The following SLC24A2 variants were observed in gnomAD, a reference collection of about 807,000 sequenced individuals.
SLC24A2 encodes the protein sodium/potassium/calcium exchanger 2.
SLC24A2 carries 36 observed loss-of-function variants against 62.0 expected under a neutral mutation model. The ratio of observed to expected loss-of-function variants is 0.58; its 90% confidence interval spans 0.44 to 0.77. SLC24A2 has a LOEUF of 0.77. Ranked by LOEUF, SLC24A2 falls within the 30% of genes least tolerant of loss-of-function variation. SLC24A2 has a pLI of 0.00. For synonymous variants in SLC24A2, 358 were observed against 294.0 expected (o/e 1.22, Z -2.23); for missense variants, 846 against 817.9 (o/e 1.03, Z -0.42).
At chr9:19,954,860 C>G in the SLC24A2 span, among the ~76,000 whole-genome samples, 2 of 152,058 alleles carry the variant, frequency 1.3e-5, no homozygotes, top group Non-Finnish European at 2.9e-5. Flanking sequence ...CAGTAACAAC[C>G]AACAATCCTG....
chr9:19,823,296 ATT>A, the SLC24A2 span, among the ~76,000 whole-genome samples: 1 of 68,306 alleles, frequency 1.5e-5, no homozygotes, highest in Non-Finnish European at 3.6e-5. Context: ...CTGTATTAAC[ATT>A]GTGTGTGTGT....
chr9:20,195,551 G>C, the SLC24A2 span, among the ~76,000 whole-genome samples: 1 of 151,962 alleles, frequency 6.6e-6, no homozygotes, highest in Non-Finnish European at 1.5e-5. Flanking sequence ...CTCTCAATTT[G>C]TAAGTTATTC....
chr9:20,173,641 G>A, the SLC24A2 span, among the ~76,000 whole-genome samples: 68 of 151,916 alleles, frequency 4.5e-4, no homozygotes, highest in East Asian at 1.4e-3. Flanking sequence ...ATACCTAACC[G>A]TGGAGGTAAA....
the SLC24A2 span, among the ~76,000 whole-genome samples, chr9:19,980,229 C>T: frequency 6.6e-6 from 1 of 152,178 alleles, no homozygotes; most frequent in Admixed American, 6.5e-5. Flanking sequence ...CAGATTCTGA[C>T]TCAGCACCTG....
the SLC24A2 span, among the ~76,000 whole-genome samples, chr9:20,235,650 A>C: frequency 6.6e-6 from 1 of 152,168 alleles, no homozygotes; most frequent in African/African-American, 2.4e-5. Flanking sequence ...TTTACTAGGA[A>C]AGGGAATTCC....
the SLC24A2 span, among the ~76,000 whole-genome samples, chr9:20,293,494 G>A: frequency 6.6e-6 from 1 of 152,106 alleles, no homozygotes; most frequent in East Asian, 1.9e-4. Context: ...GGCTGGCTGT[G>A]GCCAAAAAAG....
At chr9:20,038,952 T>A in the SLC24A2 span, among the ~76,000 whole-genome samples, 7 of 152,218 alleles carry the variant, frequency 4.6e-5, no homozygotes, top group Non-Finnish European at 8.8e-5. Flanking sequence ...TAAAATGTGT[T>A]TTTTAAGTAA....
rs10964195 is a variant in SLC24A2, at chr9:19,539,221, T to C, written c.1479+10916A>G. 2.0e-4 allele frequency among the ~76,000 whole-genome samples: 10 copies of C among 49,878 alleles called. 1 individual carries two copies. Among genetic ancestry groups the C allele is most frequent in the East Asian group, 7.4e-4 (1 of 1,350 alleles). 32.7% of individuals were successfully genotyped at this position (49,878 alleles called of 152,430 possible). Reference sequence around the variant, plus strand: ...CTATTTCCTTCAGTTCTGCTCTGATTTTAGTTATTTCTTGCCTTCTGCTAG... The same window carrying C: ...CTATTTCCTTCAGTTCTGCTCTGATCTTAGTTATTTCTTGCCTTCTGCTAG... On this transcript the variant is annotated intron_variant, in intron 8 of 10. Coordinates refer to ENST00000341998, the MANE Select transcript of SLC24A2 (RefSeq NM_020344.4).
chr9:19,962,992 G>C, the SLC24A2 span, among the ~76,000 whole-genome samples: 1 of 151,998 alleles, frequency 6.6e-6, no homozygotes, highest in Non-Finnish European at 1.5e-5. Context: ...ATTGGCTGTG[G>C]GTTTTTCATA....
chr9:19,550,237 C>G lies in SLC24A2; in HGVS notation c.1379G>C (p.Ser460Thr). The change falls in exon 8 of 11, where the codon AGC (serine) becomes ACC (threonine). Residue 460 changes from serine (S) to threonine (T), a missense_variant. Physicochemically the swap from Ser to Thr is moderately conservative, Grantham distance 58. Transcript: ENST00000341998. ...TADEEEDQPL[S>T]LAWPSETRKQ... Reference sequence around the variant, plus strand: ...GCGGGTTTCAGAAGGCCAGGCAAGGCTGAGAGGCTGGTCCTCCTCCTCATC... The same window carrying G: ...GCGGGTTTCAGAAGGCCAGGCAAGGGTGAGAGGCTGGTCCTCCTCCTCATC... 1 of 1,614,096 alleles carries G rather than the reference C, an allele frequency of 6.2e-7. No homozygotes were observed. Among genetic ancestry groups the G allele is most frequent in the Non-Finnish European group, 8.5e-7 (1 of 1,179,992 alleles).
intron 2 of SLC24A2, among the ~76,000 whole-genome samples, chr9:19,669,613 T>C (rs1434322288): frequency 1.3e-5 from 2 of 152,206 alleles, no homozygotes; most frequent in Non-Finnish European, 2.9e-5. Context: ...AAAATCCATT[T>C]CCTTGCCTTT....
intron 3 of SLC24A2, 43 bp downstream of exon 3, chr9:19,622,218 C>T (rs776410101): frequency 1.3e-6 from 2 of 1,586,844 alleles, no homozygotes; most frequent in Non-Finnish European, 1.7e-6. Context: ...CCACGCTCTC[C>T]ACAGGCACAC....
At chr9:19,872,275 C>G in the SLC24A2 span, among the ~76,000 whole-genome samples, 2 of 152,172 alleles carry the variant, frequency 1.3e-5, no homozygotes, top group Non-Finnish European at 2.9e-5. Flanking sequence ...GACTGCTATC[C>G]AGGGAGGGGA....
chr9:20,060,009 G>A, the SLC24A2 span, among the ~76,000 whole-genome samples: 6 of 152,062 alleles, frequency 3.9e-5, no homozygotes, highest in East Asian at 7.7e-4. Flanking sequence ...AGGACTATAA[G>A]AGAACACTAT....
chr9:19,607,127 C>T (rs1186987432), intron 4 of SLC24A2, among the ~76,000 whole-genome samples: 3 of 152,214 alleles, frequency 2.0e-5, no homozygotes, highest in Non-Finnish European at 4.4e-5. Flanking sequence ...GAAAACACCT[C>T]TGGATGCTCT....
At chr9:20,036,631 C>T in the SLC24A2 span, among the ~76,000 whole-genome samples, 522 of 152,256 alleles carry the variant, frequency 3.4e-3, 2 homozygotes, top group African/African-American at 0.012. Context: ...AAAACATCCT[C>T]CAGTTTCATG....
At chr9:19,517,922 C>T (rs1268510808) in intron 10 of SLC24A2, among the ~76,000 whole-genome samples, 2 of 133,652 alleles carry the variant, frequency 1.5e-5, no homozygotes, top group African/African-American at 6.5e-5. Flanking sequence ...CACACACACA[C>T]ACACACACAC....
the SLC24A2 span, among the ~76,000 whole-genome samples, chr9:19,940,859 A>C: frequency 1.3e-5 from 2 of 152,218 alleles, no homozygotes; most frequent in Non-Finnish European, 2.9e-5. Context: ...GCCAAACGCC[A>C]CTGACAACAA....
chr9:20,053,915 T>C, the SLC24A2 span, among the ~76,000 whole-genome samples: 2 of 152,158 alleles, frequency 1.3e-5, no homozygotes, highest in Admixed American at 6.5e-5. Flanking sequence ...CAATTCCCCA[T>C]TGTATCAATG....
Sources: gnomAD v4.1 joint callset for allele counts (sites outside exome capture counted in the v4.1 genomes callset) on GRCh38, gnomAD v4.1.1 for gene constraint, MANE v1.5 for transcripts, NCBI Gene and HGNC (gene_info 2026-07-23, HGNC 2026-07-21) for gene names.